PCP4: variants seen among roughly 807,000 people sequenced by gnomAD.
PCP4 encodes Purkinje cell protein 4, also known as calmodulin regulator protein PCP4.
PCP4 carries 8 observed loss-of-function variants against 10.0 expected under a neutral mutation model. The ratio of observed to expected loss-of-function variants is 0.80; its 90% confidence interval spans 0.47 to 1.45. PCP4 has a LOEUF of 1.45. Among genes scored for constraint, PCP4 ranks in the 40% most tolerant of loss-of-function variants. The pLI is 0.00. For synonymous variants in PCP4, 21 were observed against 23.0 expected, an observed-to-expected ratio of 0.91 and a Z score of 0.24; for missense variants, 54 against 74.4, an observed-to-expected ratio of 0.73 and a Z score of 1.01.
intron 1 of PCP4, among the ~76,000 whole-genome samples, chr21:39,895,084 C>T (rs1017386715): frequency 1.3e-5 from 2 of 151,842 alleles, no homozygotes; most frequent in African/African-American, 4.8e-5. Flanking sequence ...TTCATCCATC[C>T]ACCCACCCAT....
rs2146345276 is a variant in PCP4, at chr21:39,912,512, G to T, written c.61+13985G>T. ...GCAGGAGCCTTGCTTTCCTGCCAAG[G>T]TGCCACATAAAACAGGCCCTGGTTA... is the stretch of plus-strand genomic sequence containing the variant. On this transcript the variant is annotated intron_variant, in intron 2 of 2. Transcript: ENST00000328619. Among the ~76,000 whole-genome samples the T allele has an allele frequency of 3.3e-5, 5 of 152,034 alleles. 1 individual carries two copies. In the South Asian group the frequency reaches 1.0e-3, roughly 32 times the overall value.
chr21:39,904,483 TTGAG>T (rs1472904037), intron 2 of PCP4, among the ~76,000 whole-genome samples: 1 of 152,180 alleles, frequency 6.6e-6, no homozygotes, highest in Non-Finnish European at 1.5e-5. Context: ...CCAAGGATGA[TTGAG>T]TGATCACTAT....
chr21:39,880,316 C>A (rs1039921744), intron 1 of PCP4, among the ~76,000 whole-genome samples: 44 of 152,182 alleles, frequency 2.9e-4, no homozygotes, highest in African/African-American at 9.7e-4. Flanking sequence ...GAGGAAGCCT[C>A]CCTAGCAGCA....
chr21:39,928,878 T>G, intron 2 of PCP4, 106 bp from the exon 3 acceptor site: 1 of 1,072,950 alleles, frequency 9.3e-7, no homozygotes, highest in Non-Finnish European at 1.4e-6. Flanking sequence ...TAAGCCCCTG[T>G]GTGTGCCCCA....
chr21:39,920,111 T>C (rs2087588647), intron 2 of PCP4, among the ~76,000 whole-genome samples: 1 of 143,718 alleles, frequency 7.0e-6, no homozygotes, highest in Non-Finnish European at 1.5e-5. Context: ...GTTTGGTCTG[T>C]GTGTGGGGTG....
chr21:39,887,827 G>A (rs2087408056), intron 1 of PCP4, among the ~76,000 whole-genome samples: 2 of 152,070 alleles, frequency 1.3e-5, no homozygotes. Flanking sequence ...TTATAAACAG[G>A]GTGATTCAGA....
chr21:39,872,647 A>G (rs1015578028), intron 1 of PCP4, among the ~76,000 whole-genome samples: 19 of 152,222 alleles, frequency 1.2e-4, no homozygotes, highest in African/African-American at 4.6e-4. Flanking sequence ...CAGACTGTGA[A>G]CTTCCCAAAA....
intron 2 of PCP4, among the ~76,000 whole-genome samples, chr21:39,905,954 G>A (rs1241687431): frequency 6.6e-6 from 1 of 152,192 alleles, no homozygotes; most frequent in Non-Finnish European, 1.5e-5. Flanking sequence ...GGAGGCTGAG[G>A]CAGGAGAATG....
chr21:39,887,335 C>CA (rs1334629871), intron 1 of PCP4, among the ~76,000 whole-genome samples: 2 of 64,570 alleles, frequency 3.1e-5, no homozygotes, highest in Non-Finnish European at 7.3e-5. Context: ...TTTTTTTAAC[C>CA]AACTTTTTTT....
chr21:39,892,485 T>C (rs1436679592), intron 1 of PCP4, among the ~76,000 whole-genome samples: 1 of 151,812 alleles, frequency 6.6e-6, no homozygotes. Context: ...AGAGCCTCTG[T>C]CCTCAGACAC....
chr21:39,902,538 T>G (rs1430671479), intron 2 of PCP4, among the ~76,000 whole-genome samples: 3 of 152,218 alleles, frequency 2.0e-5, no homozygotes, highest in Admixed American at 6.5e-5. Flanking sequence ...TTTTTGTTAT[T>G]GTTGTCAACA....
Position 39,921,435 on chromosome 21 carries a change from C to T in PCP4, c.62-7549C>T, listed in dbSNP as rs73215400. 2.5e-3 allele frequency among the ~76,000 whole-genome samples: 381 copies of T among 152,288 alleles called. 1 individual carries two copies. Among genetic ancestry groups the T allele is most frequent in the Non-Finnish European group, 4.5e-3 (306 of 68,020 alleles). On this transcript the variant is annotated intron_variant, in intron 2 of 2. Transcript: ENST00000328619. ...TTTCCTCAGCTCTCATAAATGACTA[C>T]GTAAGTCCAAACTACAGATTACAGA...
chr21:39,889,231 T>A (rs890388293), intron 1 of PCP4, among the ~76,000 whole-genome samples: 1 of 151,948 alleles, frequency 6.6e-6, no homozygotes, highest in East Asian at 1.9e-4. Flanking sequence ...CATAGGCAAG[T>A]CTACTGGGGA....
intron 2 of PCP4, among the ~76,000 whole-genome samples, chr21:39,923,699 A>G (rs543916850): frequency 6.6e-6 from 1 of 152,218 alleles, no homozygotes; most frequent in African/African-American, 2.4e-5. Flanking sequence ...GCCTTCAGCC[A>G]TCTGTGTGAA....
At chr21:39,891,815 T>C (rs1184351557) in intron 1 of PCP4, among the ~76,000 whole-genome samples, 3 of 152,256 alleles carry the variant, frequency 2.0e-5, no homozygotes, top group African/African-American at 7.2e-5. Flanking sequence ...TTTTCTTCTC[T>C]GCACTTATAA....
At chr21:39,872,900 T>G (rs1402716849) in intron 1 of PCP4, among the ~76,000 whole-genome samples, 1 of 152,132 alleles carries the variant, frequency 6.6e-6, no homozygotes, top group Non-Finnish European at 1.5e-5. Flanking sequence ...TCCTTTTATG[T>G]GGGAAATGGG....
In PCP4 at chr21:39,888,763, G is replaced by A. The variant is rs1386547142; in HGVS notation, c.10-9713G>A. Among the ~76,000 whole-genome samples the A allele has an allele frequency of 2.0e-5, 3 of 152,186 alleles. No individual in the cohort carries two copies. In the East Asian group the frequency reaches 5.8e-4, roughly 29 times the overall value. ...GGTCCCTTCTGCTTGGGACCCTCGGGCCCAGCCCAGGACCTGGCTCAGCAA... is the reference window on the plus strand; with the variant it reads ...GGTCCCTTCTGCTTGGGACCCTCGGACCCAGCCCAGGACCTGGCTCAGCAA... On this transcript the variant is annotated intron_variant, in intron 1 of 2. Coordinates refer to ENST00000328619, the MANE Select transcript of PCP4 (RefSeq NM_006198.3).
intron 1 of PCP4, among the ~76,000 whole-genome samples, chr21:39,881,976 T>C (rs922137998): frequency 1.2e-4 from 18 of 152,186 alleles, no homozygotes; most frequent in African/African-American, 3.9e-4. Context: ...TCTCAAGTTT[T>C]CTCTCCATCC....
chr21:39,907,436 G>A (rs563160251), intron 2 of PCP4, among the ~76,000 whole-genome samples: 78 of 152,250 alleles, frequency 5.1e-4, no homozygotes, highest in East Asian at 2.3e-3. Flanking sequence ...CTGGAGGAGC[G>A]GACAGACAGG....
Sources: gnomAD v4.1 joint callset for allele counts (sites outside exome capture counted in the v4.1 genomes callset) on GRCh38, gnomAD v4.1.1 for gene constraint, MANE v1.5 for transcripts, NCBI Gene and HGNC (gene_info 2026-07-23, HGNC 2026-07-21) for gene names.